Variants in CHLSN observed in about 807,000 individuals in gnomAD.
CHLSN encodes the protein protein cholesin.
chr7:1,085,563 A>G, the CHLSN span, among the ~76,000 whole-genome samples: 4 of 152,158 alleles, frequency 2.6e-5, no homozygotes, highest in Non-Finnish European at 4.4e-5. Flanking sequence ...CCCAGCATGC[A>G]TGTGTACAAT....
At chr7:1,011,413 CCA>C in the CHLSN span, among the ~76,000 whole-genome samples, 4 of 106,492 alleles carry the variant, frequency 3.8e-5, no homozygotes, top group Non-Finnish European at 7.3e-5. Flanking sequence ...ACCCAAACAC[CCA>C]CAGACACCCA....
chr7:1,126,275 G>A, the CHLSN span, among the ~76,000 whole-genome samples: 1 of 144,426 alleles, frequency 6.9e-6, no homozygotes, highest in Non-Finnish European at 1.5e-5. Context: ...ACAGGAGAGT[G>A]CATGAACCTG....
the CHLSN span, among the ~76,000 whole-genome samples, chr7:1,095,060 C>T: frequency 6.6e-6 from 1 of 151,346 alleles, no homozygotes; most frequent in South Asian, 2.1e-4. Flanking sequence ...TCCTGCAGAA[C>T]ACCGTGCGTG....
chr7:1,082,454 G>C, the CHLSN span, among the ~76,000 whole-genome samples: 1 of 152,254 alleles, frequency 6.6e-6, no homozygotes, highest in Non-Finnish European at 1.5e-5. Flanking sequence ...GTTACTCAGA[G>C]CAGGGGATGA....
At chr7:1,013,290 T>G in the CHLSN span, among the ~76,000 whole-genome samples, 1 of 152,238 alleles carries the variant, frequency 6.6e-6, no homozygotes, top group Non-Finnish European at 1.5e-5. Context: ...GCAAATACTT[T>G]TAACAAACTT....
chr7:1,053,793 C>T, the CHLSN span, among the ~76,000 whole-genome samples: 5 of 152,182 alleles, frequency 3.3e-5, no homozygotes, highest in African/African-American at 9.6e-5. Context: ...TGCCACTGCA[C>T]TCCAGCCTGG....
chr7:1,016,988 AGCAG>A, the CHLSN span, among the ~76,000 whole-genome samples: 186 of 140,898 alleles, frequency 1.3e-3, 10 homozygotes, highest in African/African-American at 4.8e-3. Flanking sequence ...ACCAGCGCAC[AGCAG>A]CGCACAGGAG....
chr7:985,395 G>T, the CHLSN span: 1 of 1,491,252 alleles, frequency 6.7e-7, no homozygotes, highest in Admixed American at 2.1e-5. Flanking sequence ...GAGGACGGGG[G>T]CCCCAGTGCT....
At chr7:1,061,217 G>C in the CHLSN span, among the ~76,000 whole-genome samples, 1 of 152,118 alleles carries the variant, frequency 6.6e-6, no homozygotes, top group Admixed American at 6.5e-5. Context: ...CTGTTGCAGG[G>C]ACTGGCCTGC....
chr7:980,991 C>T, the CHLSN span, among the ~76,000 whole-genome samples: 1 of 152,038 alleles, frequency 6.6e-6, no homozygotes, highest in Non-Finnish European at 1.5e-5. Context: ...CTGCGCCTGG[C>T]CAACGAGTTA....
the CHLSN span, among the ~76,000 whole-genome samples, chr7:1,090,869 T>C: frequency 2.0e-5 from 3 of 152,244 alleles, no homozygotes; most frequent in Non-Finnish European, 4.4e-5. Context: ...AAAATAAGTT[T>C]ATTTTTGGTA....
chr7:1,070,686 A>G, the CHLSN span, among the ~76,000 whole-genome samples: 16,748 of 144,878 alleles, frequency 0.12, 1,112 homozygotes, highest in Middle Eastern at 0.25. Flanking sequence ...CGTGCACGAT[A>G]CACATGCACA....
the CHLSN span, chr7:996,880 C>A: frequency 6.6e-6 from 1 of 152,256 alleles, no homozygotes; most frequent in Non-Finnish European, 1.5e-5. Context: ...ACACACAGAG[C>A]GCCCCCAATG....
chr7:1,123,033 AG>A, the CHLSN span, among the ~76,000 whole-genome samples: 6 of 152,130 alleles, frequency 3.9e-5, no homozygotes, highest in African/African-American at 1.4e-4. The surrounding 1 kb of genome is among the most constrained non-coding windows in gnomAD (Gnocchi z 4.4). Context: ...CCAGGCCAGC[AG>A]GGCCCTCCGG....
chr7:1,073,409 C>T, the CHLSN span, among the ~76,000 whole-genome samples: 1 of 152,128 alleles, frequency 6.6e-6, no homozygotes, highest in East Asian at 1.9e-4. Context: ...CCCAGCTGAG[C>T]TCCCGCCGCC....
chr7:1,107,147 G>A, the CHLSN span, among the ~76,000 whole-genome samples: 1 of 151,802 alleles, frequency 6.6e-6, no homozygotes, highest in East Asian at 1.9e-4. Flanking sequence ...AAGAGCCACA[G>A]AGGAAGCCAT....
chr7:1,121,465 C>A, the CHLSN span, among the ~76,000 whole-genome samples: 1 of 152,226 alleles, frequency 6.6e-6, no homozygotes, highest in Admixed American at 6.5e-5. Context: ...AGAGCAAATT[C>A]TCAAGGCCAT....
the CHLSN span, among the ~76,000 whole-genome samples, chr7:1,134,937 T>C: frequency 2.6e-5 from 4 of 152,202 alleles, no homozygotes; most frequent in East Asian, 7.7e-4. Context: ...TCTGACTCCT[T>C]TCCTTCCCCC....
the CHLSN span, chr7:1,000,660 G>A: frequency 2.4e-6 from 2 of 830,848 alleles, no homozygotes; most frequent in East Asian, 2.7e-5. Context: ...AGCCCCACCA[G>A]GTACTACACA....
Sources: gnomAD v4.1 joint callset for allele counts (sites outside exome capture counted in the v4.1 genomes callset) on GRCh38, gnomAD v4.1.1 for gene constraint, Gnocchi (gnomAD v3.1) non-coding constraint, MANE v1.5 for transcripts, NCBI Gene and HGNC (gene_info 2026-07-23, HGNC 2026-07-21) for gene names.